The following DGKB variants were observed in gnomAD, a reference collection of about 807,000 sequenced individuals.
DGKB encodes the protein diacylglycerol kinase beta, also known as 90 kDa diacylglycerol kinase.
A neutral mutation model predicts 114.3 loss-of-function variants in DGKB; 67 were observed. The ratio of observed to expected loss-of-function variants is 0.59; its 90% CI spans 0.48 to 0.72. The LOEUF is 0.72. Ranked by LOEUF, DGKB falls within the 30% of genes least tolerant of loss-of-function variation. The pLI, the probability that DGKB is intolerant of heterozygous loss-of-function variation, is 0.00. For synonymous variants in DGKB, 398 were observed against 323.1 expected (o/e 1.23, Z -2.49); for missense variants, 907 against 975.2 (o/e 0.93, Z 0.93).
chr7:14,220,937 T>C (rs528931484), intron 23 of DGKB, among the ~76,000 whole-genome samples: 8 of 151,462 alleles, frequency 5.3e-5, no homozygotes, highest in Admixed American at 2.0e-4. Flanking sequence ...TCTGAGGCTA[T>C]AATAAAATTT....
intron 1 of DGKB, among the ~76,000 whole-genome samples, chr7:14,899,730 T>G (rs1040637748): frequency 3.9e-5 from 6 of 152,066 alleles, no homozygotes; most frequent in Admixed American, 1.3e-4. Flanking sequence ...TCAATGCAGG[T>G]GGATTCCAGT....
intron 20 of DGKB, among the ~76,000 whole-genome samples, chr7:14,496,018 T>C (rs1041442873): frequency 6.6e-6 from 1 of 151,838 alleles, no homozygotes; most frequent in Non-Finnish European, 1.5e-5. Flanking sequence ...TTCTAATCAA[T>C]ATACTTTTTG....
rs897287045 is a variant in DGKB, at chr7:14,411,702, T to A, written c.1836-66311A>T. 6.9e-4 allele frequency among the ~76,000 whole-genome samples: 27 copies of A among 39,006 alleles called. 11 individuals carry two copies. The highest frequency in any genetic ancestry group is 1.7e-3 in the Non-Finnish European group (22 of 13,056). The allele number at this position is 39,006 out of a possible 152,430, so 25.6% of individuals were successfully genotyped here. Reference sequence around the variant, plus strand: ...CACATCTTAACACATTTTCTGACAATGATAACTGTTCTTCAGACAAAAACT... The same window carrying A: ...CACATCTTAACACATTTTCTGACAAAGATAACTGTTCTTCAGACAAAAACT... On this transcript the variant is annotated intron_variant, in intron 21 of 25. Coordinates refer to ENST00000402815, the MANE Select transcript of DGKB (RefSeq NM_001350709.2).
At chr7:14,665,348 T>C (rs183483958) in intron 13 of DGKB, among the ~76,000 whole-genome samples, 7 of 151,672 alleles carry the variant, frequency 4.6e-5, no homozygotes, top group Non-Finnish European at 7.4e-5. Context: ...CATGGACAGA[T>C]AGAGGGCAAC....
intron 1 of DGKB, among the ~76,000 whole-genome samples, chr7:14,961,049 G>A (rs773433274): frequency 8.6e-5 from 13 of 151,792 alleles, no homozygotes; most frequent in Non-Finnish European, 1.8e-4. Flanking sequence ...GACATGAGGT[G>A]GACTGACTAA....
intron 22 of DGKB, among the ~76,000 whole-genome samples, chr7:14,339,057 C>A (rs1310315478): frequency 6.6e-6 from 1 of 151,914 alleles, no homozygotes; most frequent in Non-Finnish European, 1.5e-5. Flanking sequence ...ATTCTGGAAA[C>A]TATGGTCAAA....
chr7:14,951,261 T>A lies in DGKB; in HGVS notation c.-188+23435A>T, dbSNP rs539264899. On this transcript the variant is annotated intron_variant, in intron 1 of 4. Transcript: ENST00000437998. ...TTCACAGAAATGTTTCTGGCAGCTTTGTTCATAATTGCCAAAACTTAGCAG... is the reference window on the plus strand; with the variant it reads ...TTCACAGAAATGTTTCTGGCAGCTTAGTTCATAATTGCCAAAACTTAGCAG... 3.3e-4 allele frequency among the ~76,000 whole-genome samples: 50 copies of A among 152,170 alleles called. No homozygotes were observed. In the East Asian group the frequency reaches 6.6e-3, roughly 20 times the overall value.
At chr7:14,637,015 C>A (rs1810875206) in intron 13 of DGKB, among the ~76,000 whole-genome samples, 1 of 151,818 alleles carries the variant, frequency 6.6e-6, no homozygotes, top group South Asian at 2.1e-4. Context: ...ATAGTAAATG[C>A]ACAAAGAAGC....
chr7:14,207,631 T>C (rs976161208), intron 23 of DGKB, among the ~76,000 whole-genome samples: 2 of 152,080 alleles, frequency 1.3e-5, no homozygotes, highest in Non-Finnish European at 2.9e-5. Flanking sequence ...CTAATATCAG[T>C]AAACATGTTC....
chr7:14,381,711 T>A (rs1310790303), intron 21 of DGKB, among the ~76,000 whole-genome samples: 6 of 152,164 alleles, frequency 3.9e-5, no homozygotes, highest in Non-Finnish European at 8.8e-5. Context: ...TGGGCTCAAG[T>A]GCATCTACCT....
chr7:14,206,135 A>G (rs920278139), intron 23 of DGKB, among the ~76,000 whole-genome samples: 1 of 152,048 alleles, frequency 6.6e-6, no homozygotes, highest in Non-Finnish European at 1.5e-5. Flanking sequence ...GTGTCCTTAT[A>G]GAGACTACAG....
intron 1 of DGKB, among the ~76,000 whole-genome samples, chr7:14,873,990 A>T (rs1852875813): frequency 6.6e-6 from 1 of 152,076 alleles, no homozygotes; most frequent in African/African-American, 2.4e-5. Flanking sequence ...GAAACAAATA[A>T]TATGCAGTAC....
intron 21 of DGKB, among the ~76,000 whole-genome samples, chr7:14,404,763 C>G: frequency 6.6e-6 from 1 of 151,776 alleles, no homozygotes; most frequent in Non-Finnish European, 1.5e-5. Flanking sequence ...TGGGCCTTCA[C>G]CACTGTGTCT....
intron 21 of DGKB, among the ~76,000 whole-genome samples, chr7:14,384,496 A>T (rs1820007578): frequency 6.8e-6 from 1 of 147,670 alleles, no homozygotes; most frequent in Non-Finnish European, 1.5e-5. Flanking sequence ...GGATTCATAC[A>T]GACAATGTTT....
intron 25 of DGKB, among the ~76,000 whole-genome samples, chr7:14,162,210 G>T (rs1467725427): frequency 6.6e-6 from 1 of 152,166 alleles, no homozygotes; most frequent in East Asian, 1.9e-4. Flanking sequence ...CCCAGACCTT[G>T]TGAGTCTATA....
At chr7:14,241,959 C>T (rs11764248) in intron 23 of DGKB, among the ~76,000 whole-genome samples, 1 of 18,166 alleles carries the variant, frequency 5.5e-5, no homozygotes, top group African/African-American at 1.1e-3. Context: ...CACACATATA[C>T]ACACACACAC....
intron 20 of DGKB, 142 bp from the exon 21 acceptor site, chr7:14,478,367 G>A: frequency 4.0e-6 from 2 of 499,652 alleles, no homozygotes; most frequent in South Asian, 4.3e-5. Context: ...GTAAAATTAG[G>A]CAAAAATGTG....
At chr7:14,851,867 C>A (rs567278204) in intron 1 of DGKB, among the ~76,000 whole-genome samples, 6 of 152,264 alleles carry the variant, frequency 3.9e-5, no homozygotes, top group Non-Finnish European at 8.8e-5. Flanking sequence ...CTTCCACCCC[C>A]AAACATGAGT....
chr7:14,477,151 T>C (rs1203577704), intron 21 of DGKB, among the ~76,000 whole-genome samples: 1 of 152,220 alleles, frequency 6.6e-6, no homozygotes, highest in Non-Finnish European at 1.5e-5. Flanking sequence ...AATTTTAATA[T>C]TTAGAAAACT....
Sources: gnomAD v4.1 joint callset for allele counts (sites outside exome capture counted in the v4.1 genomes callset) on GRCh38, gnomAD v4.1.1 for gene constraint, MANE v1.5 for transcripts, NCBI Gene and HGNC (gene_info 2026-07-23, HGNC 2026-07-21) for gene names.